The following ASXL2 variants were observed in gnomAD, a reference collection of about 807,000 sequenced individuals.
The protein encoded by ASXL2 is ASXL transcriptional regulator 2, also known as putative Polycomb group protein ASXL2.
Under a neutral mutation model 122.0 loss-of-function variants are expected in ASXL2, and 23 were observed. The ratio of observed to expected loss-of-function variants is 0.19; its 90% CI spans 0.14 to 0.27. ASXL2 has a LOEUF of 0.27. Ranked by LOEUF, ASXL2 falls within the 10% of genes least tolerant of loss-of-function variation. The pLI, the probability that ASXL2 is intolerant of heterozygous loss-of-function variation, is 1.00. For synonymous variants in ASXL2, 650 were observed against 637.0 expected, an observed-to-expected ratio of 1.02 and a Z score of -0.31; for missense variants, 1,518 against 1,713.8, an observed-to-expected ratio of 0.89 and a Z score of 2.02.
chr2:25,784,844 T>C lies in ASXL2; in HGVS notation c.404-13304A>G, dbSNP rs1365319017. 3.3e-5 allele frequency among the ~76,000 whole-genome samples: 5 copies of C among 152,324 alleles called. No individual in the cohort carries two copies. In the South Asian group the frequency reaches 6.2e-4, roughly 19 times the overall value. ...ACTCTACAACAGCTCTGTTTCCCAA[T>C]AAGCACACATTCTGGTGTACCAGAG... is the stretch of plus-strand genomic sequence containing the variant. On this transcript the variant is annotated intron_variant, in intron 5 of 12. Transcript: ENST00000435504.
intron 9 of ASXL2, among the ~76,000 whole-genome samples, chr2:25,758,654 C>CT (rs1223907903): frequency 6.6e-6 from 1 of 150,482 alleles, no homozygotes; most frequent in African/African-American, 2.5e-5. Context: ...CTTGCCAAAC[C>CT]TTTGGCATTT....
At chr2:25,779,898 G>T (rs1236097977) in intron 5 of ASXL2, among the ~76,000 whole-genome samples, 1 of 151,460 alleles carries the variant, frequency 6.6e-6, no homozygotes. Context: ...AGACAGTTTT[G>T]TTCTTGTTGC....
chr2:25,809,080 G>A (rs912440909), intron 3 of ASXL2, among the ~76,000 whole-genome samples: 6 of 152,204 alleles, frequency 3.9e-5, no homozygotes, highest in African/African-American at 7.2e-5. Flanking sequence ...CACTTTTAGA[G>A]AGAGCAGCTT....
intron 1 of ASXL2, among the ~76,000 whole-genome samples, chr2:25,846,322 AG>A (rs2089648598): frequency 6.6e-6 from 1 of 152,134 alleles, no homozygotes; most frequent in Non-Finnish European, 1.5e-5. Flanking sequence ...TAACCTTGCA[AG>A]GGGTCCTACA....
Position 25,786,243 on chromosome 2 carries a change from C to CTTTTTTTTTTTTTTTTTTT in ASXL2, c.403+13141_403+13142insAAAAAAAAAAAAAAAAAAA, listed in dbSNP as rs370316025. On this transcript the variant is annotated intron_variant, in intron 5 of 12. Coordinates refer to ENST00000435504, the MANE Select transcript of ASXL2 (RefSeq NM_018263.6). ...AAACAACCTACTACTCCACATCATTCTTTTTTTTTTTTTTTTGAGATGGAG... is the reference window on the plus strand; with the variant it reads ...AAACAACCTACTACTCCACATCATTCTTTTTTTTTTTTTTTTTTTTTTTTTTTTTTTTTTTGAGATGGAG... 9.5e-4 allele frequency among the ~76,000 whole-genome samples: 107 copies of CTTTTTTTTTTTTTTTTTTT among 112,352 alleles called. 14 individuals are homozygous for CTTTTTTTTTTTTTTTTTTT. The highest frequency in any genetic ancestry group is 5.1e-3 in the East Asian group (13 of 2,536). The allele number at this position is 112,352 out of a possible 152,430, so 73.7% of individuals were successfully genotyped here.
intron 1 of ASXL2, chr2:25,857,090 C>CGGGG (rs768937739): frequency 9.4e-4 from 55 of 58,472 alleles, no homozygotes; most frequent in African/African-American, 3.0e-3. Flanking sequence ...TTGGGGGGGG[C>CGGGG]GGGGGGGGGG....
At chr2:25,813,557 G>A (rs778801681) in intron 3 of ASXL2, among the ~76,000 whole-genome samples, 2 of 152,128 alleles carry the variant, frequency 1.3e-5, no homozygotes, top group African/African-American at 2.4e-5. Flanking sequence ...CAACCACTGC[G>A]GATACTGTAA....
chr2:25,777,074 C>G, intron 5 of ASXL2, among the ~76,000 whole-genome samples: 1 of 152,096 alleles, frequency 6.6e-6, no homozygotes, highest in East Asian at 1.9e-4. Flanking sequence ...TTAACTACTA[C>G]TCTAACTTTT....
intron 5 of ASXL2, among the ~76,000 whole-genome samples, chr2:25,792,203 T>TA (rs2088845438): frequency 6.6e-6 from 1 of 152,206 alleles, no homozygotes; most frequent in African/African-American, 2.4e-5. Context: ...AGTCTCACTA[T>TA]ATTGCCCAGG....
rs866416373 is a variant in ASXL2 at position 25,852,587 on chromosome 2, G to T, written c.58-7024C>A. Among the ~76,000 whole-genome samples the T allele has an allele frequency of 9.0e-4, 137 of 152,302 alleles. 2 individuals are homozygous for T. The highest frequency in any genetic ancestry group is 3.1e-3 in the African/African-American group (128 of 41,564). Reference sequence around the variant, plus strand: ...CCAAAAGCTTTAATTAGGGTAACTTGTGCCATACCAGTAAATCAGATCAGC... The same window carrying T: ...CCAAAAGCTTTAATTAGGGTAACTTTTGCCATACCAGTAAATCAGATCAGC... On this transcript the variant is annotated intron_variant, in intron 1 of 12. Transcript: ENST00000435504.
At chr2:25,858,812 ATT>A (rs765331691) in intron 1 of ASXL2, among the ~76,000 whole-genome samples, 18 of 139,108 alleles carry the variant, frequency 1.3e-4, no homozygotes, top group Admixed American at 2.9e-4. Flanking sequence ...TAGAAATCTA[ATT>A]TTTTTTTTTT....
intron 3 of ASXL2, chr2:25,822,966 C>T: frequency 2.0e-6 from 1 of 507,802 alleles, no homozygotes; most frequent in East Asian, 5.5e-5. Flanking sequence ...ACTGTCATCA[C>T]CTGGATTTTG....
intron 11 of ASXL2, 125 bp downstream of exon 11, chr2:25,753,409 A>G: frequency 3.2e-6 from 2 of 633,014 alleles, no homozygotes; most frequent in Non-Finnish European, 5.1e-6. Flanking sequence ...CAAAAAAAAA[A>G]ACAAAATAAA....
At chr2:25,805,035 G>A (rs1183051997) in intron 4 of ASXL2, among the ~76,000 whole-genome samples, 1 of 152,158 alleles carries the variant, frequency 6.6e-6, no homozygotes, top group Non-Finnish European at 1.5e-5. Flanking sequence ...GGGCAACAGA[G>A]CGAGACTGTC....
intron 2 of ASXL2, among the ~76,000 whole-genome samples, chr2:25,837,080 G>T (rs1370613450): frequency 1.2e-5 from 1 of 86,440 alleles, no homozygotes; most frequent in Non-Finnish European, 2.6e-5. Flanking sequence ...ACTCCAAAGG[G>T]GGGTGGGGGG....
In ASXL2 at chr2:25,737,904, CAA is replaced by C. The variant is rs1320533610; in HGVS notation, c.*4123_*4124del. On this transcript the variant is annotated 3_prime_UTR_variant, in exon 13 of 13. Transcript: ENST00000435504. ...AATGTTAACAATTCCTTTAAAAAGGCAAAAGACACAAAAGTTTAGCATTTACC... is the reference window on the plus strand; with the variant it reads ...AATGTTAACAATTCCTTTAAAAAGGCAAGACACAAAAGTTTAGCATTTACC... The C allele has an allele frequency of 6.6e-6, 1 of 151,900 alleles. No homozygotes were observed. The highest frequency in any genetic ancestry group is 6.6e-5 in the Admixed American group (1 of 15,258). 9.4% of individuals were successfully genotyped at this position (151,900 alleles called of 1,614,324 possible). A position where few individuals can be genotyped will look rare whatever the true frequency, so the allele number is the denominator to read the frequency against.
intron 9 of ASXL2, among the ~76,000 whole-genome samples, chr2:25,758,777 CA>C (rs2088185599): frequency 6.6e-6 from 1 of 151,084 alleles, no homozygotes; most frequent in Admixed American, 6.6e-5. Flanking sequence ...CAAAAGAATG[CA>C]AACTGCAAAC....
intron 5 of ASXL2, among the ~76,000 whole-genome samples, chr2:25,777,623 CT>C (rs920391685): frequency 4.6e-5 from 7 of 151,888 alleles, no homozygotes; most frequent in African/African-American, 1.5e-4. Context: ...TTAAACTTAT[CT>C]CTGTTGAGAA....
rs534575755 is a variant in ASXL2 at position 25,738,510 on chromosome 2, T to A, written c.*3519A>T. The A allele has an allele frequency of 6.6e-6, 1 of 152,278 alleles. No individual in the cohort carries two copies. The highest frequency in any genetic ancestry group is 2.4e-5 in the African/African-American group (1 of 41,552). 9.4% of individuals were successfully genotyped at this position (152,278 alleles called of 1,614,324 possible). A position where few individuals can be genotyped will look rare whatever the true frequency, so the allele number is the denominator to read the frequency against. On this transcript the variant is annotated 3_prime_UTR_variant, in exon 13 of 13. Coordinates refer to ENST00000435504, the MANE Select transcript of ASXL2 (RefSeq NM_018263.6). Reference sequence around the variant, plus strand: ...AGACTTTTCCCTCCTTGCTATGATGTGAAACCTCTAGGTCAAAGAGAAAAC... The same window carrying A: ...AGACTTTTCCCTCCTTGCTATGATGAGAAACCTCTAGGTCAAAGAGAAAAC...
Sources: gnomAD v4.1 joint callset for allele counts (sites outside exome capture counted in the v4.1 genomes callset) on GRCh38, gnomAD v4.1.1 for gene constraint, MANE v1.5 for transcripts, NCBI Gene and HGNC (gene_info 2026-07-23, HGNC 2026-07-21) for gene names.